Variants in TSPAN1 observed in about 807,000 individuals in gnomAD.
The protein encoded by TSPAN1 is tetraspanin-1.
In TSPAN1, 23 loss-of-function variants were observed where a neutral mutation model predicts 26.9. The observed-to-expected ratio is 0.85, with a 90% CI of 0.62 to 1.21. The LOEUF (loss-of-function observed/expected upper bound fraction) is 1.21. TSPAN1 is among the 50% of genes most tolerant of loss of function. The pLI, the probability that TSPAN1 is intolerant of heterozygous loss-of-function variation, is 0.00. For synonymous variants in TSPAN1, 115 were observed against 114.8 expected (o/e 1.00, Z -0.01); for missense variants, 283 against 298.4 (o/e 0.95, Z 0.38).
In TSPAN1 at chr1:46,175,872, G is replaced by T. The variant is rs866076247; in HGVS notation, c.-142+463G>T. 7.5e-5 allele frequency: 23 copies of T among 308,108 alleles called. 1 individual carries two copies. The highest frequency in any genetic ancestry group is 8.9e-4 in the Middle Eastern group (1 of 1,122). 19.1% of individuals were successfully genotyped at this position (308,108 alleles called of 1,614,324 possible). On this transcript the variant is annotated intron_variant, in intron 1 of 8. Coordinates refer to ENST00000372003, the MANE Select transcript of TSPAN1 (RefSeq NM_005727.4). ...GGTAGGGAAATCTTCACTGGCTCTG[G>T]TTTTTTTTTTTTTTTCTTGAGACAG... is the stretch of plus-strand genomic sequence containing the variant.
chr1:46,194,441 G>A, the TSPAN1 span: 13 of 1,613,936 alleles, frequency 8.1e-6, no homozygotes, highest in Non-Finnish European at 1.1e-5. Context: ...CATGGGGCCA[G>A]CAAGGTTTGA....
At chr1:46,186,172 G>C (rs1451703219), downstream of TSPAN1, among the ~76,000 whole-genome samples, 1 of 152,142 alleles carries the variant, frequency 6.6e-6, no homozygotes, top group Non-Finnish European at 1.5e-5. Context: ...AGTTGGGTTA[G>C]GCCAGTCTGC....
intron 3 of TSPAN1, 117 bp from the exon 4 acceptor site, chr1:46,184,074 A>C: frequency 9.0e-7 from 1 of 1,108,364 alleles, no homozygotes; most frequent in Non-Finnish European, 1.4e-6. Flanking sequence ...ATGAGGTTTT[A>C]GACTCCCTAG....
chr1:46,177,850 A>C (rs1378240873), intron 1 of TSPAN1, among the ~76,000 whole-genome samples: 1 of 152,234 alleles, frequency 6.6e-6, no homozygotes, highest in Non-Finnish European at 1.5e-5. Context: ...AGGAGGATCC[A>C]CTGTATAAGG....
downstream of TSPAN1, chr1:46,188,913 C>G (rs1376441690): frequency 1.9e-6 from 3 of 1,612,694 alleles, no homozygotes; most frequent in Non-Finnish European, 2.5e-6. Context: ...AAATCCAGGC[C>G]CTCCAGGTTC....
At chr1:46,184,418 C>T (rs1288569660) in intron 4 of TSPAN1, 21 bp downstream of exon 4, 6 of 1,613,808 alleles carry the variant, frequency 3.7e-6, no homozygotes, top group Non-Finnish European at 5.1e-6. Flanking sequence ...CCCAGCTCCA[C>T]AGGCTGATGA....
chr1:46,181,272 T>A, intron 3 of TSPAN1, 108 bp downstream of exon 3: 1 of 1,102,252 alleles, frequency 9.1e-7, no homozygotes, highest in Non-Finnish European at 1.3e-6. Flanking sequence ...GGCTTCGTCC[T>A]GCATGTGTCC....
the TSPAN1 span, chr1:46,192,101 A>G: frequency 1.7e-5 from 28 of 1,613,874 alleles, no homozygotes; most frequent in African/African-American, 3.3e-4. Context: ...CACTCACGTG[A>G]AAGTAGCCAT....
chr1:46,188,074 C>T (rs113719363), downstream of TSPAN1, among the ~76,000 whole-genome samples: 3,539 of 152,250 alleles, frequency 0.023, 144 homozygotes, highest in African/African-American at 0.078. Flanking sequence ...TTCTGGTGCC[C>T]CTATGACTAA....
At chr1:46,176,660 G>A (rs1204830065) in intron 1 of TSPAN1, among the ~76,000 whole-genome samples, 1 of 152,260 alleles carries the variant, frequency 6.6e-6, no homozygotes, top group Non-Finnish European at 1.5e-5. Context: ...CAGCCCAAGA[G>A]CCAGACAGCC....
chr1:46,185,358 TG>T, intron 8 of TSPAN1, 50 bp downstream of exon 8: 2 of 1,611,620 alleles, frequency 1.2e-6, no homozygotes, highest in Non-Finnish European at 1.7e-6. Flanking sequence ...AGACCAGGGC[TG>T]CTCAACCCAT....
At chr1:46,176,430 G>A (rs1377493166) in intron 1 of TSPAN1, 13 of 1,535,664 alleles carry the variant, frequency 8.5e-6, no homozygotes, top group Non-Finnish European at 1.1e-5. Flanking sequence ...GGGAACGCAT[G>A]CCCTGGGGCC....
chr1:46,193,717 G>T, the TSPAN1 span: 1 of 1,605,970 alleles, frequency 6.2e-7, no homozygotes, highest in Non-Finnish European at 8.5e-7. Context: ...GCTGGGCCCA[G>T]AGTCCCTATG....
the TSPAN1 span, among the ~76,000 whole-genome samples, chr1:46,195,236 T>A: frequency 1.2e-4 from 19 of 152,042 alleles, no homozygotes; most frequent in African/African-American, 4.6e-4. Flanking sequence ...TCTCCTACTC[T>A]CCTCCCTTAT....
the TSPAN1 span, chr1:46,193,549 C>A: frequency 6.2e-7 from 1 of 1,614,096 alleles, no homozygotes; most frequent in African/African-American, 1.3e-5. Context: ...GAGGCACCCC[C>A]CAAGTCCTGC....
At chr1:46,190,752 C>T (rs201897676), downstream of TSPAN1, 16 of 1,613,776 alleles carry the variant, frequency 9.9e-6, no homozygotes, top group East Asian at 8.9e-5. Context: ...CACCTGGAAC[C>T]GTGTTGAACT....
chr1:46,188,573 A>C, downstream of TSPAN1: 7 of 1,392,890 alleles, frequency 5.0e-6, no homozygotes, highest in Non-Finnish European at 6.7e-6. Context: ...CAAATGGAAG[A>C]TAAACTCTGT....
chr1:46,176,493 T>C, intron 1 of TSPAN1: 1 of 1,535,086 alleles, frequency 6.5e-7, no homozygotes, highest in Non-Finnish European at 8.7e-7. Flanking sequence ...GCTTCTGCAG[T>C]GTGCCTGGGG....
At chr1:46,193,913 T>C in the TSPAN1 span, 1 of 1,614,148 alleles carries the variant, frequency 6.2e-7, no homozygotes, top group Non-Finnish European at 8.5e-7. Flanking sequence ...TTGAGGACCT[T>C]GTTGTCTGGG....
Sources: allele counts gnomAD v4.1 joint callset (sites outside exome capture counted in the v4.1 genomes callset), GRCh38; gene constraint gnomAD v4.1.1; transcripts MANE v1.5; gene names NCBI Gene and HGNC (gene_info 2026-07-23, HGNC 2026-07-21).